The following OGFOD2 variants were observed in gnomAD, a reference collection of about 807,000 sequenced individuals.
The protein encoded by OGFOD2 is 2-oxoglutarate and iron-dependent oxygenase domain-containing protein 2.
OGFOD2 carries 34 observed loss-of-function variants against 31.1 expected under a neutral mutation model. That is an observed-to-expected ratio of 1.09 (90% confidence interval 0.83 to 1.45). OGFOD2 has a LOEUF of 1.45. OGFOD2 is among the 40% of genes most tolerant of loss of function. The pLI, the probability that OGFOD2 is intolerant of heterozygous loss-of-function variation, is 0.00. For missense variants in OGFOD2, 537 were observed against 433.9 expected, an observed-to-expected ratio of 1.24 and a Z score of -2.11; for synonymous variants, 240 against 192.3, an observed-to-expected ratio of 1.25 and a Z score of -2.05.
At position 122,978,965 on chromosome 12, in the gene OGFOD2, CAAGGT is replaced by C. The variant is rs1566213844; in HGVS notation, c.745_749del (p.Lys249LeufsTer49). The C allele has an allele frequency of 6.2e-7, 1 of 1,613,226 alleles. No homozygotes were observed. Among genetic ancestry groups the C allele is most frequent in the East Asian group, 2.2e-5 (1 of 44,886 alleles). On this transcript the variant is annotated frameshift_variant, in exon 6 of 7. Transcript: ENST00000228922. LOFTEE classifies it high-confidence loss of function. ...AGCTCACCCTCAATGTGGCCTTGGGCAAGGTCTTCACAGGGGGCGCCCTGTATTTT... is the reference window on the plus strand; with the variant it reads ...AGCTCACCCTCAATGTGGCCTTGGGCCTTCACAGGGGGCGCCCTGTATTTT...
chr12:122,976,427 C>A (rs2037433602), intron 2 of OGFOD2: 1 of 1,612,764 alleles, frequency 6.2e-7, no homozygotes, highest in Non-Finnish European at 8.5e-7. Flanking sequence ...CTCATCCCAG[C>A]TAGGCTCAGG....
chr12:122,979,139 C>T (rs1423645618), exon 7 of OGFOD2: 2 of 1,607,850 alleles, frequency 1.2e-6, no homozygotes, highest in South Asian at 1.1e-5. Flanking sequence ...GCCAGGGTGT[C>T]CTCCACCGTG....
At chr12:122,976,749 G>A in exon 3 of OGFOD2, 1 of 1,613,604 alleles carries the variant, frequency 6.2e-7, no homozygotes, top group Non-Finnish European at 8.5e-7. Context: ...CACGGCCTGA[G>A]GTCTACGACT....
exon 7 of OGFOD2, chr12:122,979,796 C>G (rs1176095762): frequency 5.0e-6 from 1 of 201,880 alleles, no homozygotes; most frequent in African/African-American, 2.3e-5. Flanking sequence ...TGTGAACCCT[C>G]AGCAGCAGGC....
At chr12:122,977,710 TG>T (rs752432936) in intron 4 of OGFOD2, 14 of 154,508 alleles carry the variant, frequency 9.1e-5, no homozygotes, top group Admixed American at 3.8e-4. Context: ...GGGGCTCCTG[TG>T]GGAGGCAGAT....
At chr12:122,978,958 C>A in exon 6 of OGFOD2, 2 of 1,613,264 alleles carry the variant, frequency 1.2e-6, no homozygotes, top group Non-Finnish European at 1.7e-6. Flanking sequence ...CTCAATGTGG[C>A]CTTGGGCAAG....
Position 122,976,988 on chromosome 12 carries a change from A to T in OGFOD2, c.403+18A>T, listed in dbSNP as rs765228983. On this transcript the variant is annotated intron_variant, in intron 4 of 6. Transcript: ENST00000228922. ...AGTATCGGGTGAGGTCCTGGCCCTG[A>T]GACCTGGCAGGACCAGGGAATGGCA... The T allele has an allele frequency of 1.9e-6, 3 of 1,604,972 alleles. No homozygotes were observed. In the Admixed American group the frequency reaches 5.0e-5, roughly 27 times the overall value.
At chr12:122,976,954 G>A in exon 4 of OGFOD2, 3 of 1,613,658 alleles carry the variant, frequency 1.9e-6, no homozygotes, top group Non-Finnish European at 2.5e-6. Context: ...TTCTCCAGCG[G>A]CTGGAGACAG....
At chr12:122,976,001 C>G (rs1009382636) in intron 2 of OGFOD2, 134 bp downstream of exon 2, 2 of 640,066 alleles carry the variant, frequency 3.1e-6, no homozygotes, top group African/African-American at 3.6e-5. Context: ...CCTTCCTGCC[C>G]CCCACTCATC....
At chr12:122,976,828 T>TG (rs1566210659) in intron 3 of OGFOD2, 43 bp from the exon 4 acceptor site, 2 of 1,595,954 alleles carry the variant, frequency 1.3e-6, no homozygotes, top group Non-Finnish European at 8.6e-7. Context: ...CATCCAGGGC[T>TG]GGGGGTGCTG....
chr12:122,975,916 C>T (rs1171279315), intron 2 of OGFOD2, 49 bp downstream of exon 2: 2 of 692,522 alleles, frequency 2.9e-6, no homozygotes, highest in African/African-American at 3.5e-5. Flanking sequence ...GATTTGTGTC[C>T]GCAGCTTGAG....
At chr12:122,978,211 G>C in intron 4 of OGFOD2, 3 of 484,110 alleles carry the variant, frequency 6.2e-6, no homozygotes. Context: ...TGAGCTCCCA[G>C]GGCCAGCCCT....
At chr12:122,979,474 T>C in exon 7 of OGFOD2, 1 of 1,196,872 alleles carries the variant, frequency 8.4e-7, no homozygotes, top group Middle Eastern at 2.7e-4. Flanking sequence ...TTCTGGGTCA[T>C]TCTATGGGCA....
exon 6 of OGFOD2, chr12:122,978,823 T>C: frequency 1.2e-6 from 2 of 1,612,684 alleles, no homozygotes; most frequent in Non-Finnish European, 8.5e-7. Context: ...CTGCAGCCGC[T>C]GATGGCCCTG....
At chr12:122,975,250 C>T (rs1459580738) in exon 1 of OGFOD2, 3 of 677,560 alleles carry the variant, frequency 4.4e-6, no homozygotes, top group Admixed American at 2.2e-5. Flanking sequence ...GGGTGCTTCA[C>T]TATGGCGACG....
chr12:122,978,546 C>T, exon 5 of OGFOD2: 3 of 1,613,400 alleles, frequency 1.9e-6, no homozygotes, highest in Non-Finnish European at 2.5e-6. Context: ...TAAGGGGAGG[C>T]CCAACACCAT....
rs775089010 is a variant in OGFOD2 at position 122,979,262 on chromosome 12, G to GC, written c.972dup (p.Asp325ArgfsTer6). 3 of 1,612,860 alleles carry GC rather than the reference G, an allele frequency of 1.9e-6. No homozygotes were observed. In the East Asian group the frequency reaches 6.7e-5, roughly 36 times the overall value. ...GCCTCTGTCCCATGTGCTGCCGTGA[G>GC]CCCGACCTGGTGGACGATGAGGGCT... is the stretch of plus-strand genomic sequence containing the variant. On this transcript the variant is annotated frameshift_variant, in exon 7 of 7. Coordinates refer to ENST00000228922, the Ensembl canonical transcript of OGFOD2. LOFTEE classifies it high-confidence loss of function.
chr12:122,976,505 C>T, intron 2 of OGFOD2, 149 bp from the exon 3 acceptor site: 6 of 1,377,202 alleles, frequency 4.4e-6, no homozygotes, highest in Non-Finnish European at 5.1e-6. Flanking sequence ...CTGGAACTTG[C>T]AGTTGACCCA....
At chr12:122,977,201 C>G (rs953963451) in intron 4 of OGFOD2, 6 of 566,704 alleles carry the variant, frequency 1.1e-5, no homozygotes, top group Admixed American at 2.5e-5. Context: ...TTCCTTCGTG[C>G]CCTCATCCAG....
Sources: allele counts gnomAD v4.1 joint callset, GRCh38; gene constraint gnomAD v4.1.1; transcripts MANE v1.5; gene names NCBI Gene and HGNC (gene_info 2026-07-23, HGNC 2026-07-21).